The following DMC1 variants were observed in gnomAD, a reference collection of about 807,000 sequenced individuals.
DMC1 encodes DNA meiotic recombinase 1, also known as meiotic recombination protein DMC1 homolog.
Under a neutral mutation model 50.1 loss-of-function variants are expected in DMC1, and 27 were observed. The observed-to-expected ratio is 0.54, with a 90% CI of 0.40 to 0.74. The LOEUF (loss-of-function observed/expected upper bound fraction) is 0.74, where lower values mean the gene tolerates loss of function less well. Among genes scored for constraint, DMC1 ranks in the 30% least tolerant of loss-of-function variants. The probability of loss-of-function intolerance (pLI) is 0.00; values close to 1 mark genes in which losing one functional copy is unlikely to be tolerated. For missense variants in DMC1, 295 were observed against 420.2 expected, an observed-to-expected ratio of 0.70 and a Z score of 2.60; for synonymous variants, 148 against 136.1, an observed-to-expected ratio of 1.09 and a Z score of -0.61.
At chr22:38,524,736 A>G (rs2090068712) in intron 12 of DMC1, among the ~76,000 whole-genome samples, 1 of 152,136 alleles carries the variant, frequency 6.6e-6, no homozygotes. Flanking sequence ...TCCCTGAAAC[A>G]GTAGAAAACT....
intron 6 of DMC1, among the ~76,000 whole-genome samples, chr22:38,553,432 A>G (rs2090434761): frequency 1.4e-5 from 2 of 144,686 alleles, no homozygotes; most frequent in African/African-American, 5.1e-5. Flanking sequence ...CGGGAGGCGG[A>G]GCTTGCAGTG....
chr22:38,511,813 G>A, the DMC1 span, among the ~76,000 whole-genome samples: 85 of 152,160 alleles, frequency 5.6e-4, no homozygotes, highest in African/African-American at 2.0e-3. Context: ...TGGGCATATT[G>A]ATGTCTGGAA....
intron 12 of DMC1, among the ~76,000 whole-genome samples, chr22:38,535,217 T>G (rs1257161851): frequency 6.6e-6 from 1 of 151,592 alleles, no homozygotes; most frequent in Non-Finnish European, 1.5e-5. Flanking sequence ...GAGAATCGCC[T>G]GAACCTGGGA....
chr22:38,541,238 C>T (rs762260297), intron 8 of DMC1, among the ~76,000 whole-genome samples: 1 of 152,148 alleles, frequency 6.6e-6, no homozygotes, highest in Non-Finnish European at 1.5e-5. Context: ...GTCTTTAGGA[C>T]TCAGATCTTA....
rs539426341 is a variant in DMC1, at chr22:38,521,590, A to G, written c.953+18T>C. On this transcript the variant is annotated intron_variant, in intron 13 of 13. Transcript: ENST00000216024. ...ACACACACACACACACACACACACA[A>G]AATAAAAAAAAATTTACCTGTCATA... 7.0e-7 allele frequency: 1 copy of G among 1,426,470 alleles called. No homozygotes were observed. Among genetic ancestry groups the G allele is most frequent in the African/African-American group, 1.6e-5 (1 of 63,242 alleles). 88.4% of individuals were successfully genotyped at this position (1,426,470 alleles called of 1,614,324 possible).
At chr22:38,524,477 G>A (rs1489587068) in intron 12 of DMC1, among the ~76,000 whole-genome samples, 2 of 151,812 alleles carry the variant, frequency 1.3e-5, no homozygotes, top group Non-Finnish European at 2.9e-5. Context: ...AGAAAATAAG[G>A]GCTCTCAGGA....
At position 38,552,522 on chromosome 22, in the gene DMC1, C is replaced by T. The variant is rs138302205; in HGVS notation, c.421+144G>A. 112 of 681,744 alleles carry T rather than the reference C, an allele frequency of 1.6e-4. 2 individuals carry two copies. The highest frequency in any genetic ancestry group is 1.3e-3 in the African/African-American group (71 of 56,118). 42.2% of individuals were successfully genotyped at this position (681,744 alleles called of 1,614,324 possible). On this transcript the variant is annotated intron_variant, in intron 7 of 13. Transcript: ENST00000216024. ...CATTCAAAGACCAGCTGTATAACCA[C>T]GGGCAGTTTACTTAATCTGCCTGTG...
intron 12 of DMC1, among the ~76,000 whole-genome samples, chr22:38,524,604 A>G (rs1278549029): frequency 6.6e-6 from 1 of 151,958 alleles, no homozygotes; most frequent in Non-Finnish European, 1.5e-5. Flanking sequence ...AAGTCTTCTT[A>G]TCCTTGATGA....
At chr22:38,527,295 C>T (rs1193570799) in intron 12 of DMC1, among the ~76,000 whole-genome samples, 4 of 152,068 alleles carry the variant, frequency 2.6e-5, no homozygotes, top group Admixed American at 2.6e-4. Flanking sequence ...GCCTCCGCCT[C>T]CCCAGTTCAA....
intron 12 of DMC1, among the ~76,000 whole-genome samples, chr22:38,526,402 GT>G (rs1381477174): frequency 6.6e-6 from 1 of 151,762 alleles, no homozygotes; most frequent in Non-Finnish European, 1.5e-5. Context: ...TAGAGACGGG[GT>G]TTCACTATGT....
downstream of DMC1, among the ~76,000 whole-genome samples, chr22:38,515,517 A>G (rs990401889): frequency 3.4e-5 from 5 of 148,028 alleles, no homozygotes; most frequent in African/African-American, 1.3e-4. Flanking sequence ...AAAAGAAAGT[A>G]GCAGGGCACG....
At chr22:38,512,608 C>A in the DMC1 span, among the ~76,000 whole-genome samples, 2 of 152,156 alleles carry the variant, frequency 1.3e-5, no homozygotes, top group Non-Finnish European at 2.9e-5. Flanking sequence ...TAGGAAAGCA[C>A]GTGAAGAGTA....
intron 9 of DMC1, 145 bp from the exon 10 acceptor site, chr22:38,538,757 G>C: frequency 1.3e-6 from 1 of 798,556 alleles, no homozygotes; most frequent in East Asian, 2.6e-5. Flanking sequence ...TATTGCAGCA[G>C]GGCATGGTGG....
chr22:38,528,323 C>T (rs953828121), intron 12 of DMC1, among the ~76,000 whole-genome samples: 1 of 151,732 alleles, frequency 6.6e-6, no homozygotes, highest in African/African-American at 2.4e-5. Context: ...CTTGGCCTCC[C>T]AAAGTGTTGG....
chr22:38,563,702 ATTTT>A (rs771535595), intron 4 of DMC1, among the ~76,000 whole-genome samples: 16 of 142,562 alleles, frequency 1.1e-4, no homozygotes, highest in Admixed American at 4.2e-4. Context: ...ATCTCCACAA[ATTTT>A]TTTTTTTTTT....
chr22:38,554,619 C>T (rs767901069), intron 6 of DMC1, among the ~76,000 whole-genome samples: 14 of 150,788 alleles, frequency 9.3e-5, no homozygotes, highest in Non-Finnish European at 1.8e-4. Context: ...GGGAGGATTG[C>T]TTGAGTCCAG....
Position 38,539,513 on chromosome 22 carries a change from A to C in DMC1, c.495-101T>G, listed in dbSNP as rs982114849. 7.7e-6 allele frequency: 7 copies of C among 907,840 alleles called. No homozygotes were observed. The African/African-American group carries it at 9.8e-5, about 13-fold the overall frequency. The allele number at this position is 907,840 out of a possible 1,614,324, so 56.2% of individuals were successfully genotyped here. ...CTTCCGTAAATTAACAGAGAAGCCA[A>C]ACAATGTACCTGTGAAGGTATTCTA... On this transcript the variant is annotated intron_variant, in intron 8 of 13. Coordinates refer to ENST00000216024, the MANE Select transcript of DMC1 (RefSeq NM_007068.4).
downstream of DMC1, among the ~76,000 whole-genome samples, chr22:38,517,339 C>A (rs985252081): frequency 2.0e-5 from 3 of 152,112 alleles, no homozygotes; most frequent in African/African-American, 7.2e-5. Context: ...GAGGCTGAGG[C>A]AGGTGGATCA....
intron 8 of DMC1, among the ~76,000 whole-genome samples, chr22:38,539,722 G>T (rs1425723801): frequency 6.6e-6 from 1 of 152,072 alleles, no homozygotes; most frequent in Non-Finnish European, 1.5e-5. Context: ...ATTTTACAAC[G>T]TAAGACACTG....
Sources: gnomAD v4.1 joint callset for allele counts (sites outside exome capture counted in the v4.1 genomes callset) on GRCh38, gnomAD v4.1.1 for gene constraint, MANE v1.5 for transcripts, NCBI Gene and HGNC (gene_info 2026-07-23, HGNC 2026-07-21) for gene names.